LGI2: variants seen among roughly 807,000 people sequenced by gnomAD.
LGI2 encodes leucine rich repeat LGI family member 2.
Under a neutral mutation model 52.0 loss-of-function variants are expected in LGI2, and 30 were observed. The ratio of observed to expected loss-of-function variants is 0.58; its 90% CI spans 0.43 to 0.78. The LOEUF (loss-of-function observed/expected upper bound fraction) is 0.78, where lower values mean the gene tolerates loss of function less well. Ranked by LOEUF, LGI2 falls within the 30% of genes least tolerant of loss-of-function variation. LGI2 has a pLI of 0.00. For synonymous variants in LGI2, 270 were observed against 271.8 expected (o/e 0.99, Z 0.06); for missense variants, 573 against 692.5 (o/e 0.83, Z 1.94).
intron 6 of LGI2, among the ~76,000 whole-genome samples, chr4:25,014,398 T>C (rs778310364): frequency 9.9e-5 from 15 of 152,126 alleles, no homozygotes; most frequent in Non-Finnish European, 1.8e-4. Context: ...ATTTCCTACA[T>C]ACTGATTATC....
At chr4:25,008,509 C>G in intron 7 of LGI2, among the ~76,000 whole-genome samples, 1 of 145,988 alleles carries the variant, frequency 6.8e-6, no homozygotes, top group African/African-American at 2.6e-5. Flanking sequence ...GCTGAGATCA[C>G]ACCACCGCAC....
intron 4 of LGI2, among the ~76,000 whole-genome samples, chr4:25,022,850 C>T (rs749996463): frequency 1.3e-5 from 2 of 152,180 alleles, no homozygotes; most frequent in Non-Finnish European, 2.9e-5. Context: ...ATGGGCTTTG[C>T]CTTAGGTTTA....
rs1444510361 is a variant in LGI2 at position 25,030,699 on chromosome 4, G to GTCCCCGC, written c.-13_-7dup. 1 of 1,317,304 alleles carries GTCCCCGC rather than the reference G, an allele frequency of 7.6e-7. No homozygotes were observed. The highest frequency in any genetic ancestry group is 9.6e-7 in the Non-Finnish European group (1 of 1,039,274). The allele number at this position is 1,317,304 out of a possible 1,614,324, so 81.6% of individuals were successfully genotyped here. A position where few individuals can be genotyped will look rare whatever the true frequency, so the allele number is the denominator to read the frequency against. On this transcript the variant is annotated 5_prime_UTR_variant, in exon 1 of 8. Transcript: ENST00000382114. Reference sequence around the variant, plus strand: ...CCGCCTCTCCGCAGCGCCATGCCCGGTCCCCGCTCCCCGCCCGGGCCCCGA... The same window carrying GTCCCCGC: ...CCGCCTCTCCGCAGCGCCATGCCCGGTCCCCGCTCCCCGCTCCCCGCCCGGGCCCCGA...
In LGI2 at chr4:25,006,814, T is replaced by A. The variant is rs75576257; in HGVS notation, c.821-2546A>T. Among the ~76,000 whole-genome samples the A allele has an allele frequency of 8.9e-3, 1,349 of 152,324 alleles. 21 individuals carry two copies. Among genetic ancestry groups the A allele is most frequent in the African/African-American group, 0.031 (1,286 of 41,562 alleles). ...GAGAAGTTAAGTAATTTATTAAAAG[T>A]CACATAGCTAGTATGTGGTAGAGAC... On this transcript the variant is annotated intron_variant, in intron 7 of 7. Transcript: ENST00000382114.
intron 2 of LGI2, among the ~76,000 whole-genome samples, chr4:25,027,374 G>T (rs1332332410): frequency 6.8e-6 from 1 of 146,176 alleles, no homozygotes; most frequent in African/African-American, 2.6e-5. Context: ...AAGTCATGCA[G>T]CTGGACCCAT....
intron 7 of LGI2, among the ~76,000 whole-genome samples, chr4:25,009,347 TC>T (rs999462305): frequency 6.6e-6 from 1 of 152,032 alleles, no homozygotes; most frequent in East Asian, 1.9e-4. Flanking sequence ...GGAATGCTCT[TC>T]CCCCCTCTCC....
chr4:25,003,266 G>C lies in LGI2; in HGVS notation c.*185C>G. 1 of 525,844 alleles carries C rather than the reference G, an allele frequency of 1.9e-6. No individual in the cohort carries two copies. Among genetic ancestry groups the C allele is most frequent in the Non-Finnish European group, 3.3e-6 (1 of 302,644 alleles). 32.6% of individuals were successfully genotyped at this position (525,844 alleles called of 1,614,324 possible). A position where few individuals can be genotyped will look rare whatever the true frequency, so the allele number is the denominator to read the frequency against. On this transcript the variant is annotated 3_prime_UTR_variant, in exon 8 of 8. Transcript: ENST00000382114. ...TTAAATGGTAGAATGGGCATGTCAT[G>C]CAGTTAGCCAATAAATGCAATCCCT...
In LGI2 at chr4:25,002,876, C is replaced by T. The variant is rs1295704020; in HGVS notation, c.*575G>A. ...AAATTGTTAACATATCCATGACAAG[C>T]ATTCATATGAGCCAACAAAATCACC... is the stretch of plus-strand genomic sequence containing the variant. On this transcript the variant is annotated 3_prime_UTR_variant, in exon 8 of 8. Transcript: ENST00000382114. 1 of 152,378 alleles carries T rather than the reference C, an allele frequency of 6.6e-6. No individual in the cohort carries two copies. The highest frequency in any genetic ancestry group is 1.5e-5 in the Non-Finnish European group (1 of 68,186). 9.4% of individuals were successfully genotyped at this position (152,378 alleles called of 1,614,324 possible).
chr4:25,018,897 TA>T (rs1725858570), intron 5 of LGI2, among the ~76,000 whole-genome samples: 1 of 151,130 alleles, frequency 6.6e-6, no homozygotes, highest in East Asian at 1.9e-4. Context: ...GAAGCAATGA[TA>T]GAAGATAAAG....
the LGI2 span, among the ~76,000 whole-genome samples, chr4:24,992,840 G>A: frequency 6.6e-6 from 1 of 152,256 alleles, no homozygotes; most frequent in East Asian, 1.9e-4. Context: ...CCTTGAAATG[G>A]GATTACAGAA....
At chr4:24,992,652 C>G in the LGI2 span, among the ~76,000 whole-genome samples, 1 of 152,164 alleles carries the variant, frequency 6.6e-6, no homozygotes, top group East Asian at 1.9e-4. Context: ...CATTGCACTC[C>G]AGCTTGGGCA....
In LGI2 at chr4:25,002,507, T is replaced by C. The variant is rs767587492; in HGVS notation, c.*944A>G. 6.5e-5 allele frequency: 10 copies of C among 152,676 alleles called. No homozygotes were observed. The highest frequency in any genetic ancestry group is 1.2e-4 in the Non-Finnish European group (8 of 68,062). 9.5% of individuals were successfully genotyped at this position (152,676 alleles called of 1,614,324 possible). On this transcript the variant is annotated 3_prime_UTR_variant, in exon 8 of 8. Transcript: ENST00000382114. ...GTTTCAAAGCAGGTCGAGATCTGTGTAAAGTCCCCTTTGACTTCATAAAAT... is the reference window on the plus strand; with the variant it reads ...GTTTCAAAGCAGGTCGAGATCTGTGCAAAGTCCCCTTTGACTTCATAAAAT...
In LGI2 at chr4:25,002,668, C is replaced by A. The variant is rs1725282532; in HGVS notation, c.*783G>T. On this transcript the variant is annotated 3_prime_UTR_variant, in exon 8 of 8. Transcript: ENST00000382114. ...AACTCAACGGGTGGGTTCTGAGAAG[C>A]AGATGAGCCATGAAGAGCATCAAAC... 1 of 152,656 alleles carries A rather than the reference C, an allele frequency of 6.6e-6. No individual in the cohort carries two copies. Among genetic ancestry groups the A allele is most frequent in the South Asian group, 2.1e-4 (1 of 4,826 alleles). 9.5% of individuals were successfully genotyped at this position (152,656 alleles called of 1,614,324 possible).
At position 25,004,340 on chromosome 4, in the gene LGI2, TA is replaced by T; in HGVS notation, c.821-73del. The T allele has an allele frequency of 7.6e-7, 1 of 1,323,480 alleles. No individual in the cohort carries two copies. Among genetic ancestry groups the T allele is most frequent in the South Asian group, 1.4e-5 (1 of 72,984 alleles). The allele number at this position is 1,323,480 out of a possible 1,614,324, so 82.0% of individuals were successfully genotyped here. A position where few individuals can be genotyped will look rare whatever the true frequency, so the allele number is the denominator to read the frequency against. On this transcript the variant is annotated intron_variant, in intron 7 of 7. Coordinates refer to ENST00000382114, the MANE Select transcript of LGI2 (RefSeq NM_018176.4). The surrounding 1 kb of genome is among the most constrained non-coding windows in gnomAD (Gnocchi z 4.6). Reference sequence around the variant, plus strand: ...AAACGCATCTCCGCTTGTACTCTTATACACTGCTGGTGGGAGTGTGAAATGG... The same window carrying T: ...AAACGCATCTCCGCTTGTACTCTTATCACTGCTGGTGGGAGTGTGAAATGG...
chr4:25,018,169 A>G lies in LGI2; in HGVS notation c.486-11T>C, dbSNP rs1485510619. 2 of 1,576,966 alleles carry G rather than the reference A, an allele frequency of 1.3e-6. No homozygotes were observed. The highest frequency in any genetic ancestry group is 1.9e-5 in the Admixed American group (1 of 53,240). On this transcript the variant is annotated splice_polypyrimidine_tract_variant and intron_variant, in intron 5 of 7. Transcript: ENST00000382114. ...TTACCCCTCAAATCTCTAAAAATCA[A>G]AATAAAACACAAACACATACAAAGA...
chr4:25,001,401 C>T lies in LGI2; in HGVS notation c.*2050G>A, dbSNP rs1271097434. 2.0e-5 allele frequency: 3 copies of T among 152,160 alleles called. No homozygotes were observed. The highest frequency in any genetic ancestry group is 4.8e-5 in the African/African-American group (2 of 41,432). The allele number at this position is 152,160 out of a possible 1,614,324, so 9.4% of individuals were successfully genotyped here. ...TGTCTAAATATCTCCTACAGTTTGC[C>T]AAGTACCCATTTTTCTGCCCAGGTT... On this transcript the variant is annotated 3_prime_UTR_variant, in exon 8 of 8. Coordinates refer to ENST00000382114, the MANE Select transcript of LGI2 (RefSeq NM_018176.4).
chr4:25,021,245 C>G (rs1178251767), intron 4 of LGI2, among the ~76,000 whole-genome samples: 2 of 152,228 alleles, frequency 1.3e-5, no homozygotes, highest in African/African-American at 4.8e-5. Flanking sequence ...ATTTTGTCTA[C>G]AAATCATGGC....
downstream of LGI2, among the ~76,000 whole-genome samples, chr4:24,994,058 T>G (rs1724979796): frequency 1.3e-5 from 2 of 152,172 alleles, no homozygotes. Context: ...TGACATTATA[T>G]TTCGCTATAG....
downstream of LGI2, among the ~76,000 whole-genome samples, chr4:24,995,269 A>T (rs920177475): frequency 6.6e-6 from 1 of 152,230 alleles, no homozygotes; most frequent in African/African-American, 2.4e-5. Flanking sequence ...CAGCAACCTC[A>T]TTCCTATAAG....
Sources: allele counts gnomAD v4.1 joint callset (sites outside exome capture counted in the v4.1 genomes callset), GRCh38; gene constraint gnomAD v4.1.1; non-coding constraint Gnocchi (gnomAD v3.1); transcripts MANE v1.5; gene names NCBI Gene and HGNC (gene_info 2026-07-23, HGNC 2026-07-21).